The following CTNNBL1 variants were observed in gnomAD, a reference collection of about 807,000 sequenced individuals.
The protein encoded by CTNNBL1 is beta-catenin-like protein 1.
A neutral mutation model predicts 72.7 loss-of-function variants in CTNNBL1; 31 were observed. That is an observed-to-expected ratio of 0.43 (90% CI 0.32 to 0.58). The LOEUF is 0.58. Ranked by LOEUF, CTNNBL1 falls within the 20% of genes least tolerant of loss-of-function variation. The pLI, the probability that CTNNBL1 is intolerant of heterozygous loss-of-function variation, is 0.08. For missense variants in CTNNBL1, 534 were observed against 725.1 expected (o/e 0.74, Z 3.03); for synonymous variants, 240 against 267.3 (o/e 0.90, Z 1.00).
chr20:37,860,089 C>A, intron 14 of CTNNBL1, 53 bp downstream of exon 14: 1 of 1,570,472 alleles, frequency 6.4e-7, no homozygotes, highest in Non-Finnish European at 8.6e-7. Context: ...CCTTCCTCGC[C>A]AGCTGCTTAG....
rs538463458 is a variant in CTNNBL1, at chr20:37,746,886, C to T, written c.466+279C>T. Among the ~76,000 whole-genome samples the T allele has an allele frequency of 3.9e-5, 6 of 152,354 alleles. No individual in the cohort carries two copies. In the East Asian group the frequency reaches 1.2e-3, roughly 29 times the overall value. ...CGTGATATATCTGTTCATACATTAA[C>T]AGCTTTACTTTTCAGGATCTGGATT... is the stretch of plus-strand genomic sequence containing the variant. On this transcript the variant is annotated intron_variant, in intron 4 of 15. Coordinates refer to ENST00000361383, the MANE Select transcript of CTNNBL1 (RefSeq NM_030877.5).
chr20:37,828,795 G>A (rs1286773140), intron 11 of CTNNBL1, among the ~76,000 whole-genome samples: 1 of 152,176 alleles, frequency 6.6e-6, no homozygotes, highest in Non-Finnish European at 1.5e-5. Flanking sequence ...CTTGAGAAGG[G>A]TATCAATATT....
chr20:37,779,558 C>G (rs1044625017), intron 10 of CTNNBL1, among the ~76,000 whole-genome samples: 1 of 151,970 alleles, frequency 6.6e-6, no homozygotes, highest in African/African-American at 2.4e-5. Flanking sequence ...CTGTTTGTGC[C>G]CTACTGTGGT....
At chr20:37,815,703 A>G (rs1472113171) in intron 11 of CTNNBL1, among the ~76,000 whole-genome samples, 1 of 152,204 alleles carries the variant, frequency 6.6e-6, no homozygotes, top group Non-Finnish European at 1.5e-5. Context: ...TAATGCATCT[A>G]GGTTCATTTG....
rs11476313 is a variant in CTNNBL1, at chr20:37,747,378, CAAAAAAAAAAAAA to C, written c.466+785_466+797del. Among the ~76,000 whole-genome samples the C allele has an allele frequency of 1.8e-3, 78 of 42,964 alleles. 1 individual carries two copies. The highest frequency in any genetic ancestry group is 2.6e-3 in the Non-Finnish European group (59 of 22,928). 28.2% of individuals were successfully genotyped at this position (42,964 alleles called of 152,430 possible). On this transcript the variant is annotated intron_variant, in intron 4 of 15. Coordinates refer to ENST00000361383, the MANE Select transcript of CTNNBL1 (RefSeq NM_030877.5). ...CAACAGAGTGAGTGGGACTCCATCTCAAAAAAAAAAAAAAAAAAAAAAAAAAGACTGAGTACAC... is the reference window on the plus strand; with the variant it reads ...CAACAGAGTGAGTGGGACTCCATCTCAAAAAAAAAAAAAGACTGAGTACAC...
At position 37,739,342 on chromosome 20, in the gene CTNNBL1, G is replaced by C. The variant is rs551914391; in HGVS notation, c.326+1858G>C. On this transcript the variant is annotated intron_variant, in intron 3 of 15. Transcript: ENST00000361383. Reference sequence around the variant, plus strand: ...TTGGGTCATCTAACAGATCTGTCCAGGTGGTACATGCATATCTACCTTGTG... The same window carrying C: ...TTGGGTCATCTAACAGATCTGTCCACGTGGTACATGCATATCTACCTTGTG... Among the ~76,000 whole-genome samples the C allele has an allele frequency of 4.6e-5, 7 of 151,998 alleles. No homozygotes were observed. The East Asian group carries it at 1.2e-3, about 25-fold the overall frequency.
At chr20:37,711,186 T>C (rs926072002) in intron 1 of CTNNBL1, among the ~76,000 whole-genome samples, 2 of 152,202 alleles carry the variant, frequency 1.3e-5, no homozygotes, top group African/African-American at 4.8e-5. Flanking sequence ...GCTTACAGAC[T>C]TTCCAGTTCT....
At chr20:37,730,509 G>A (rs2073119784) in intron 1 of CTNNBL1, among the ~76,000 whole-genome samples, 1 of 152,196 alleles carries the variant, frequency 6.6e-6, no homozygotes, top group South Asian at 2.1e-4. Context: ...AGAGAGGTAG[G>A]TGATGGGCCC....
chr20:37,815,626 C>G (rs751913411), intron 11 of CTNNBL1, among the ~76,000 whole-genome samples: 7 of 152,096 alleles, frequency 4.6e-5, no homozygotes, highest in Non-Finnish European at 1.0e-4. Context: ...CCCACATTGG[C>G]TCTTCTAAGT....
At chr20:37,841,590 A>G (rs1348402336) in intron 12 of CTNNBL1, among the ~76,000 whole-genome samples, 7 of 152,174 alleles carry the variant, frequency 4.6e-5, no homozygotes, top group African/African-American at 1.7e-4. Flanking sequence ...ACCTGGGTAA[A>G]TGAATGCCAG....
chr20:37,694,881 G>T (rs978837042), intron 1 of CTNNBL1: 6 of 152,264 alleles, frequency 3.9e-5, no homozygotes, highest in Admixed American at 3.9e-4. Context: ...GAGCTCAGGC[G>T]TACTGACTTC....
intron 7 of CTNNBL1, among the ~76,000 whole-genome samples, chr20:37,775,079 A>G (rs1460636679): frequency 6.6e-6 from 1 of 152,188 alleles, no homozygotes; most frequent in African/African-American, 2.4e-5. Flanking sequence ...GCTATGCCAA[A>G]AAGTACCTAA....
intron 1 of CTNNBL1, among the ~76,000 whole-genome samples, chr20:37,723,913 T>C (rs984507662): frequency 1.3e-5 from 2 of 152,188 alleles, no homozygotes; most frequent in Non-Finnish European, 2.9e-5. Flanking sequence ...CCTGCAAATA[T>C]TGATTGAGCC....
At chr20:37,765,124 A>G in intron 5 of CTNNBL1, 73 bp from the exon 6 acceptor site, 1 of 968,586 alleles carries the variant, frequency 1.0e-6, no homozygotes, top group Non-Finnish European at 1.6e-6. Flanking sequence ...TGGAGAAGTA[A>G]GTATGGGAAC....
At chr20:37,707,947 G>A (rs905881880) in intron 1 of CTNNBL1, among the ~76,000 whole-genome samples, 1 of 152,050 alleles carries the variant, frequency 6.6e-6, no homozygotes, top group African/African-American at 2.4e-5. Flanking sequence ...GAGAGAGAGA[G>A]AAAGAGGAAA....
At chr20:37,831,805 G>A (rs2072212688) in intron 11 of CTNNBL1, among the ~76,000 whole-genome samples, 1 of 152,154 alleles carries the variant, frequency 6.6e-6, no homozygotes, top group South Asian at 2.1e-4. Flanking sequence ...AGGGAGGGCT[G>A]GTGACGTACC....
intron 4 of CTNNBL1, among the ~76,000 whole-genome samples, 195 bp from the exon 5 acceptor site, chr20:37,757,364 A>G (rs1325529302): frequency 6.6e-6 from 1 of 152,242 alleles, no homozygotes; most frequent in African/African-American, 2.4e-5. Context: ...ATAAGGCAAG[A>G]GACTGAGTGA....
At chr20:37,774,578 T>A (rs2073557744) in intron 7 of CTNNBL1, among the ~76,000 whole-genome samples, 1 of 152,234 alleles carries the variant, frequency 6.6e-6, no homozygotes, top group Non-Finnish European at 1.5e-5. Flanking sequence ...AAAACTTACT[T>A]TGGTTAAATT....
At chr20:37,856,053 A>T (rs1206119751) in intron 13 of CTNNBL1, among the ~76,000 whole-genome samples, 1 of 152,146 alleles carries the variant, frequency 6.6e-6, no homozygotes, top group African/African-American at 2.4e-5. Context: ...CCTGGCCAAC[A>T]TGGTGAAACC....
Sources: allele counts gnomAD v4.1 joint callset (sites outside exome capture counted in the v4.1 genomes callset), GRCh38; gene constraint gnomAD v4.1.1; transcripts MANE v1.5; gene names NCBI Gene and HGNC (gene_info 2026-07-23, HGNC 2026-07-21).